The following CENPF variants were observed in gnomAD, a reference collection of about 807,000 sequenced individuals.
CENPF encodes the protein centromere protein F.
Under a neutral mutation model 307.3 loss-of-function variants are expected in CENPF, and 214 were observed. The observed-to-expected ratio is 0.70, with a 90% CI of 0.62 to 0.78. The LOEUF (loss-of-function observed/expected upper bound fraction) is 0.78, where lower values mean the gene tolerates loss of function less well. Among genes scored for constraint, CENPF ranks in the 30% least tolerant of loss-of-function variants. The pLI, the probability that CENPF is intolerant of heterozygous loss-of-function variation, is 0.00. For missense variants in CENPF, 3,401 were observed against 3,483.9 expected (o/e 0.98, Z 0.60); for synonymous variants, 1,259 against 1,270.6 (o/e 0.99, Z 0.19).
rs1658467376 is a variant in CENPF, at chr1:214,651,765, G to A, written c.8039G>A (p.Cys2680Tyr). 2 of 1,613,124 alleles carry A rather than the reference G, an allele frequency of 1.2e-6. No individual in the cohort carries two copies. The highest frequency in any genetic ancestry group is 1.7e-6 in the Non-Finnish European group (2 of 1,179,676). Residue 2680 changes from cysteine to tyrosine, a missense_variant, in exon 15 of 20, where the codon TGC (cysteine) becomes TAC (tyrosine). Coordinates refer to ENST00000366955, the MANE Select transcript of CENPF (RefSeq NM_016343.4). ...AGTGAATTGAAGAAGAGCCTAGATTGCATGCACAAAGACCAGGTGGAAAAG... is the reference window on the plus strand; with the variant it reads ...AGTGAATTGAAGAAGAGCCTAGATTACATGCACAAAGACCAGGTGGAAAAG... ...ENSELKKSLD[C>Y]MHKDQVEKEG...
chr1:214,648,301 T>G (rs1457146781), intron 13 of CENPF, among the ~76,000 whole-genome samples: 1 of 152,200 alleles, frequency 6.6e-6, no homozygotes, highest in Non-Finnish European at 1.5e-5. Context: ...TATTGCAGAT[T>G]AGTATGGCAC....
rs1445498247 is a variant in CENPF, at chr1:214,640,903, G to A, written c.2565G>A (p.Glu855=). ...MNSDLQKQCE[E]LVQIKGEIEE... The stretch of plus-strand genomic sequence containing the variant: ...CAGACCTGCAAAAGCAGTGTGAAGA[G>A]TTGGTGCAAATCAAAGGAGAAATAG... Residue 855 remains glutamate (E), a synonymous_variant, in exon 12 of 20, where the codon GAG becomes GAA. Coordinates refer to ENST00000366955, the MANE Select transcript of CENPF (RefSeq NM_016343.4). 1.2e-6 allele frequency: 2 copies of A among 1,606,752 alleles called. No homozygotes were observed. The highest frequency in any genetic ancestry group is 2.7e-5 in the African/African-American group (2 of 74,304).
chr1:214,616,794 CTT>C (rs1310909995), intron 3 of CENPF, among the ~76,000 whole-genome samples: 17 of 151,706 alleles, frequency 1.1e-4, no homozygotes, highest in African/African-American at 3.9e-4. Context: ...TTCTTTCTTT[CTT>C]TGTTTCTTTC....
chr1:214,657,142 G>C lies in CENPF; in HGVS notation c.8695G>C (p.Gly2899Arg). ...ACAGCAATCTAAACAAGATTCCCGA[G>C]GGTCTCCTTTGCTAGGTCCAGTTGT... ...CSQQSKQDSR[G>R]SPLLGPVVPG... The change falls in exon 18 of 20, where the codon GGG (glycine) becomes CGG (arginine). Residue 2899 changes from glycine (G) to arginine (R), a missense_variant. Gly to Arg is a moderately radical substitution (Grantham distance 125). Coordinates refer to ENST00000366955, the MANE Select transcript of CENPF (RefSeq NM_016343.4). 1.2e-6 allele frequency: 2 copies of C among 1,614,168 alleles called. No homozygotes were observed.
chr1:214,610,158 A>G (rs1245125035), intron 1 of CENPF, among the ~76,000 whole-genome samples: 1 of 151,840 alleles, frequency 6.6e-6, no homozygotes, highest in Non-Finnish European at 1.5e-5. Context: ...GTGCCTGGCC[A>G]TGCATGTGTC....
rs1203738521 is a variant in CENPF, at chr1:214,664,230, C to G, written c.*436C>G. On this transcript the variant is annotated 3_prime_UTR_variant, in exon 20 of 20. Coordinates refer to ENST00000366955, the MANE Select transcript of CENPF (RefSeq NM_016343.4). ...TATGAGGCATGGAATAGTTTTGTAT[C>G]GGGAATTTCTCAGAGCTGAGTAAAA... is the stretch of plus-strand genomic sequence containing the variant. 6.4e-6 allele frequency: 1 copy of G among 155,654 alleles called. No homozygotes were observed. The highest frequency in any genetic ancestry group is 1.4e-5 in the Non-Finnish European group (1 of 70,334). 9.6% of individuals were successfully genotyped at this position (155,654 alleles called of 1,614,324 possible). A position where few individuals can be genotyped will look rare whatever the true frequency, so the allele number is the denominator to read the frequency against.
Position 214,647,347 on chromosome 1 carries a change from C to A in CENPF, c.7777C>A (p.Leu2593Ile), listed in dbSNP as rs370320022. ...AGTGCTGCAGAGTTCTTACAAGAAT[C>A]TAGAGAATGAGCTTGAATTGACAAA... is the stretch of plus-strand genomic sequence containing the variant. The part of the protein sequence containing the change: ...LEVLQSSYKN[L>I]ENELELTKMD... Residue 2593 changes from leucine (L) to isoleucine (I), a missense_variant, in exon 13 of 20, where the codon CTA becomes ATA. Physicochemically the swap from Leu to Ile is conservative, Grantham distance 5. Coordinates refer to ENST00000366955, the MANE Select transcript of CENPF (RefSeq NM_016343.4). 2 of 1,612,724 alleles carry A rather than the reference C, an allele frequency of 1.2e-6. No homozygotes were observed. Among genetic ancestry groups the A allele is most frequent in the African/African-American group, 2.7e-5 (2 of 74,872 alleles).
chr1:214,642,981 G>A lies in CENPF; in HGVS notation c.4643G>A (p.Gly1548Asp). The A allele has an allele frequency of 6.2e-7, 1 of 1,611,246 alleles. No individual in the cohort carries two copies. Among genetic ancestry groups the A allele is most frequent in the Non-Finnish European group, 8.5e-7 (1 of 1,179,228 alleles). ...RKETPSAPAKGVEELESLCEV... is the reference protein window; with the variant it reads ...RKETPSAPAKDVEELESLCEV... The stretch of plus-strand genomic sequence containing the variant: ...GAAACCCCTTCGGCCCCAGCGAAGG[G>A]TGTTGAAGAGCTTGAGTCCCTCTGT... The change falls in exon 12 of 20, where the codon GGT (glycine) becomes GAT (aspartate). Residue 1548 changes from glycine to aspartate, a missense_variant. Physicochemically the swap from Gly to Asp is moderately conservative, Grantham distance 94 (BLOSUM62 -1). Transcript: ENST00000366955.
rs141827306 is a variant in CENPF, at chr1:214,648,734, G to T, written c.7890G>T (p.Gln2630His). The T allele has an allele frequency of 1.9e-5, 31 of 1,614,086 alleles. No individual in the cohort carries two copies. In the African/African-American group the frequency reaches 2.8e-4, roughly 15 times the overall value. Residue 2630 changes from glutamine (Q) to histidine (H), a missense_variant, in exon 14 of 20, where the codon CAG (glutamine) becomes CAT (histidine). Physicochemically the swap from Gln to His is conservative, Grantham distance 24 (BLOSUM62 0). Coordinates refer to ENST00000366955, the MANE Select transcript of CENPF (RefSeq NM_016343.4). ...AGAGGGAAATGCATGAGATGGCACA[G>T]AAAACAGCAGAGCTGCAAGAAGAAC... Reference protein sequence around the residue: ...ELQREMHEMAQKTAELQEELS... With the variant: ...ELQREMHEMAHKTAELQEELS...
At position 214,644,976 on chromosome 1, in the gene CENPF, T is replaced by C. The variant is rs1446074146; in HGVS notation, c.5406T>C (p.Asn1802=). The C allele has an allele frequency of 1.9e-6, 3 of 1,612,606 alleles. No homozygotes were observed. Among genetic ancestry groups the C allele is most frequent in the Non-Finnish European group, 2.5e-6 (3 of 1,179,592 alleles). The part of the protein sequence containing the change: ...DRDRKVESLL[N]EMKELDSKLH... ...ACAGAAAAGTTGAAAGTTTGCTAAA[T>C]GAAATGAAAGAATTAGACTCAAAAC... Residue 1802 remains asparagine, a synonymous_variant, in exon 13 of 20, where the codon AAT becomes AAC. Coordinates refer to ENST00000366955, the MANE Select transcript of CENPF (RefSeq NM_016343.4).
chr1:214,605,259 AAG>A (rs1453485563), intron 1 of CENPF, among the ~76,000 whole-genome samples: 1 of 152,208 alleles, frequency 6.6e-6, no homozygotes, highest in Non-Finnish European at 1.5e-5. Context: ...TGTTTTTAAA[AAG>A]TATGTAATAG....
intron 11 of CENPF, 48 bp downstream of exon 11, chr1:214,638,049 C>A: frequency 6.5e-7 from 1 of 1,531,366 alleles, no homozygotes; most frequent in Non-Finnish European, 8.8e-7. Context: ...CTGCTATTCC[C>A]GTGAGAGGGG....
At chr1:214,620,613 A>T in intron 5 of CENPF, 42 bp from the exon 6 acceptor site, 1 of 1,549,396 alleles carries the variant, frequency 6.5e-7, no homozygotes, top group East Asian at 2.2e-5. Context: ...CCTTGAGTAT[A>T]TAAGATCTTT....
chr1:214,633,266 C>T (rs1031679917), intron 10 of CENPF, among the ~76,000 whole-genome samples: 2 of 152,056 alleles, frequency 1.3e-5, no homozygotes, highest in African/African-American at 2.4e-5. Context: ...GCATGGATGC[C>T]CTGATGGGAT....
chr1:214,646,500 A>C lies in CENPF; in HGVS notation c.6930A>C (p.Leu2310=). 6.2e-7 allele frequency: 1 copy of C among 1,614,182 alleles called. No individual in the cohort carries two copies. The highest frequency in any genetic ancestry group is 1.1e-5 in the South Asian group (1 of 91,088). Residue 2310 remains leucine, a synonymous_variant, in exon 13 of 20, where the codon CTA becomes CTC. Coordinates refer to ENST00000366955, the MANE Select transcript of CENPF (RefSeq NM_016343.4). ...RNSIEKLRAR[L]EADEKKQLCV... The stretch of plus-strand genomic sequence containing the variant: ...GCATTGAAAAGCTGAGAGCCCGCCT[A>C]GAAGCTGATGAAAAGAAGCAGCTCT...
intron 10 of CENPF, among the ~76,000 whole-genome samples, chr1:214,633,903 T>TG (rs1261588815): frequency 2.8e-4 from 43 of 152,358 alleles, no homozygotes; most frequent in African/African-American, 9.6e-4. Flanking sequence ...CTCTTCCCTC[T>TG]GTGAGCTTCC....
chr1:214,645,515 A>C lies in CENPF; in HGVS notation c.5945A>C (p.Glu1982Ala). The C allele has an allele frequency of 6.2e-7, 1 of 1,614,064 alleles. No homozygotes were observed. The highest frequency in any genetic ancestry group is 8.5e-7 in the Non-Finnish European group (1 of 1,179,958). Residue 1982 changes from glutamate to alanine, a missense_variant, in exon 13 of 20, where the codon GAA (glutamate) becomes GCA (alanine). Physicochemically the swap from Glu to Ala is moderately radical, Grantham distance 107. Coordinates refer to ENST00000366955, the MANE Select transcript of CENPF (RefSeq NM_016343.4). ...ACCACGGCACTGGATCAGTTGTCTG[A>C]AAAAATGAAGGAGAAAACACAAGAG... ...KKTTALDQLS[E>A]KMKEKTQELE...
intron 1 of CENPF, among the ~76,000 whole-genome samples, chr1:214,610,650 TTGAG>T (rs997103426): frequency 2.0e-5 from 3 of 152,180 alleles, no homozygotes; most frequent in African/African-American, 7.2e-5. Context: ...TTTTACTCTG[TTGAG>T]TTTCTTTTGC....
chr1:214,629,228 T>G, intron 8 of CENPF, 57 bp downstream of exon 8: 1 of 1,466,824 alleles, frequency 6.8e-7, no homozygotes, highest in Non-Finnish European at 9.1e-7. Context: ...GGGCTTTTCA[T>G]AGTTTGATCA....
Sources: allele counts gnomAD v4.1 joint callset (sites outside exome capture counted in the v4.1 genomes callset), GRCh38; gene constraint gnomAD v4.1.1; transcripts MANE v1.5; gene names NCBI Gene and HGNC (gene_info 2026-07-23, HGNC 2026-07-21).